Variants in FBXO15 observed in about 807,000 individuals in gnomAD.
The protein encoded by FBXO15 is F-box only protein 15.
Under a neutral mutation model 49.5 loss-of-function variants are expected in FBXO15, and 30 were observed. The observed-to-expected ratio is 0.61, with a 90% CI of 0.45 to 0.82. FBXO15 has a LOEUF of 0.82. FBXO15 is among the 40% of genes least tolerant of loss of function. The probability of loss-of-function intolerance (pLI) is 0.00; values close to 1 mark genes in which losing one functional copy is unlikely to be tolerated. For synonymous variants in FBXO15, 250 were observed against 232.7 expected (o/e 1.07, Z -0.68); for missense variants, 591 against 631.5 (o/e 0.94, Z 0.69).
At position 74,076,849 on chromosome 18, in the gene FBXO15, G is replaced by A. The variant is rs569771864; in HGVS notation, c.1264-3119C>T. Among the ~76,000 whole-genome samples the A allele has an allele frequency of 3.9e-5, 6 of 152,110 alleles. No individual in the cohort carries two copies. In the South Asian group the frequency reaches 1.2e-3, roughly 32 times the overall value. On this transcript the variant is annotated intron_variant, in intron 9 of 9. Coordinates refer to ENST00000419743, the MANE Select transcript of FBXO15 (RefSeq NM_001142958.2). ...TTGCCATCTGTGCTCCAGCCACACTGACCCTTCACCCTTGAACACACCATG... is the reference window on the plus strand; with the variant it reads ...TTGCCATCTGTGCTCCAGCCACACTAACCCTTCACCCTTGAACACACCATG...
At chr18:74,077,564 C>A (rs28625350) in intron 9 of FBXO15, among the ~76,000 whole-genome samples, 5,991 of 152,264 alleles carry the variant, frequency 0.039, 388 homozygotes, top group African/African-American at 0.13. Context: ...TTCCACAGCA[C>A]CCACTGCTTC....
intron 8 of FBXO15, among the ~76,000 whole-genome samples, chr18:74,106,968 T>C (rs368652858): frequency 6.6e-6 from 1 of 152,260 alleles, no homozygotes; most frequent in East Asian, 1.9e-4. Flanking sequence ...AAAAAGAATG[T>C]AATATTGTTC....
intron 4 of FBXO15, among the ~76,000 whole-genome samples, chr18:74,130,009 C>G (rs1157418150): frequency 6.6e-6 from 1 of 152,220 alleles, no homozygotes; most frequent in Non-Finnish European, 1.5e-5. Context: ...ATACCAAAAT[C>G]TGTGGACGTT....
intron 1 of FBXO15, among the ~76,000 whole-genome samples, chr18:74,142,911 T>C (rs952247142): frequency 8.5e-5 from 13 of 152,230 alleles, no homozygotes; most frequent in African/African-American, 3.1e-4. Context: ...GTTATTATTG[T>C]TGTAAAGTCT....
intron 8 of FBXO15, chr18:74,096,987 G>A (rs1009307006): frequency 1.2e-4 from 18 of 152,322 alleles, no homozygotes; most frequent in African/African-American, 4.1e-4. Flanking sequence ...TAGATCACGG[G>A]AGAAGGTCTA....
At chr18:74,123,643 C>T (rs1290381064) in intron 7 of FBXO15, 133 bp from the exon 8 acceptor site, 3 of 962,506 alleles carry the variant, frequency 3.1e-6, no homozygotes, top group Non-Finnish European at 4.5e-6. Context: ...CCATAGGATT[C>T]CCTATAATCT....
At chr18:74,086,886 C>G (rs956246896) in intron 8 of FBXO15, among the ~76,000 whole-genome samples, 2 of 152,134 alleles carry the variant, frequency 1.3e-5, no homozygotes, top group Admixed American at 1.3e-4. Context: ...AAGCATTTCT[C>G]CAGGGTACTA....
chr18:74,097,736 C>T (rs1034143752), intron 8 of FBXO15: 4 of 152,268 alleles, frequency 2.6e-5, no homozygotes, highest in Admixed American at 2.0e-4. Context: ...CACCTACCAC[C>T]TGATCCTCCC....
chr18:74,130,016 C>T (rs1281631983), intron 4 of FBXO15, among the ~76,000 whole-genome samples: 4 of 152,190 alleles, frequency 2.6e-5, no homozygotes, highest in African/African-American at 9.6e-5. Context: ...AATCTGTGGA[C>T]GTTCAAGTCC....
At chr18:74,086,929 G>A (rs1030527119) in intron 8 of FBXO15, among the ~76,000 whole-genome samples, 13 of 152,086 alleles carry the variant, frequency 8.5e-5, no homozygotes, top group South Asian at 4.1e-4. Flanking sequence ...TATCTCAGAC[G>A]TACCGCAGAT....
chr18:74,097,748 A>G (rs923474264), intron 8 of FBXO15: 1 of 152,246 alleles, frequency 6.6e-6, no homozygotes, highest in Non-Finnish European at 1.5e-5. Context: ...GATCCTCCCT[A>G]TACTACTACA....
intron 3 of FBXO15, among the ~76,000 whole-genome samples, chr18:74,133,876 A>C (rs1978551073): frequency 6.6e-6 from 1 of 152,206 alleles, no homozygotes; most frequent in Non-Finnish European, 1.5e-5. Context: ...GGAAGGCACC[A>C]AGCCATTCAG....
chr18:74,144,807 C>T (rs569514737), intron 1 of FBXO15, among the ~76,000 whole-genome samples: 1 of 152,268 alleles, frequency 6.6e-6, no homozygotes, highest in Non-Finnish European at 1.5e-5. Context: ...AAGCACAGCG[C>T]CAGGGTGCTT....
Position 74,120,287 on chromosome 18 carries a change from A to C in FBXO15, c.1138+3081T>G, listed in dbSNP as rs115893379. On this transcript the variant is annotated intron_variant, in intron 8 of 9. Transcript: ENST00000419743. ...AACACCTCTCTCTAACTGATAAAACAAGTAGGCAAAAAATATCAACTCTCT... is the reference window on the plus strand; with the variant it reads ...AACACCTCTCTCTAACTGATAAAACCAGTAGGCAAAAAATATCAACTCTCT... Among the ~76,000 whole-genome samples, 159 of 152,338 alleles carry C rather than the reference A, an allele frequency of 1.0e-3. 1 individual carries two copies. The highest frequency in any genetic ancestry group is 3.6e-3 in the African/African-American group (148 of 41,572).
intron 8 of FBXO15, among the ~76,000 whole-genome samples, chr18:74,121,546 T>A (rs371486501): frequency 6.6e-6 from 1 of 152,190 alleles, no homozygotes; most frequent in Non-Finnish European, 1.5e-5. Flanking sequence ...ATATGTGGAA[T>A]TGAATAATTC....
At chr18:74,086,038 GA>G (rs895575276) in intron 8 of FBXO15, among the ~76,000 whole-genome samples, 25 of 152,168 alleles carry the variant, frequency 1.6e-4, no homozygotes, top group Admixed American at 1.5e-3. Context: ...ATGCTATAAT[GA>G]ATTATCTGCT....
At chr18:74,126,526 G>C (rs1293240577) in intron 5 of FBXO15, among the ~76,000 whole-genome samples, 1 of 152,214 alleles carries the variant, frequency 6.6e-6, no homozygotes, top group East Asian at 1.9e-4. Context: ...AGAACGGGTG[G>C]TCTCAGGAGA....
intron 8 of FBXO15, among the ~76,000 whole-genome samples, chr18:74,101,414 A>ATGTGC (rs1248076931): frequency 6.6e-6 from 1 of 151,878 alleles, no homozygotes; most frequent in Non-Finnish European, 1.5e-5. Context: ...ACCTCAATGT[A>ATGTGC]ATAAAAGCCT....
At chr18:74,086,189 G>C (rs545183967) in intron 8 of FBXO15, among the ~76,000 whole-genome samples, 2 of 151,866 alleles carry the variant, frequency 1.3e-5, no homozygotes, top group African/African-American at 4.8e-5. Flanking sequence ...TATCAAGATG[G>C]AACGAAAAGT....
Sources: allele counts gnomAD v4.1 joint callset (sites outside exome capture counted in the v4.1 genomes callset), GRCh38; gene constraint gnomAD v4.1.1; transcripts MANE v1.5; gene names NCBI Gene and HGNC (gene_info 2026-07-23, HGNC 2026-07-21).